Variants in RPL27A observed in about 807,000 individuals in gnomAD.
RPL27A encodes ribosomal protein L27a, also known as large ribosomal subunit protein uL15.
For synonymous variants in RPL27A, 69 were observed against 68.3 expected (o/e 1.01, Z -0.05); for missense variants, 118 against 189.4 (o/e 0.62, Z 2.21).
At chr11:8,685,456 A>G in intron 4 of RPL27A, 1 of 705,368 alleles carries the variant, frequency 1.4e-6, no homozygotes, top group Non-Finnish European at 2.6e-6. Context: ...CTAGAGTCAC[A>G]TCCTGACACA....
At chr11:8,685,250 G>T in intron 4 of RPL27A, 1 of 431,862 alleles carries the variant, frequency 2.3e-6, no homozygotes, top group Admixed American at 3.4e-5. Flanking sequence ...CCTTGCGGGG[G>T]TTCTGGTCCC....
At chr11:8,683,826 C>T (rs746957791) in intron 2 of RPL27A, 180 bp from the exon 3 acceptor site, 22 of 616,874 alleles carry the variant, frequency 3.6e-5, no homozygotes, top group Middle Eastern at 4.2e-4. Flanking sequence ...TACAGGTGTG[C>T]GCCACGACGC....
chr11:8,683,612 A>T (rs1194006010), intron 2 of RPL27A: 5 of 493,268 alleles, frequency 1.0e-5, no homozygotes. Context: ...CGGGACACAG[A>T]AGTCTGGGAA....
rs1274331655 is a variant in RPL27A at position 8,684,935 on chromosome 11, T to TA, written c.318+44dup. The TA allele has an allele frequency of 1.9e-6, 3 of 1,589,462 alleles. No homozygotes were observed. The African/African-American group carries it at 4.0e-5, about 21-fold the overall frequency. Reference sequence around the variant, plus strand: ...TTTTCTGTACTTCCATACCTTCCCTTACAAAACTCTGGCTTAATCTAATCC... The same window carrying TA: ...TTTTCTGTACTTCCATACCTTCCCTTAACAAAACTCTGGCTTAATCTAATCC... On this transcript the variant is annotated intron_variant, in intron 4 of 4. Coordinates refer to ENST00000314138, the MANE Select transcript of RPL27A (RefSeq NM_000990.5).
Position 8,682,797 on chromosome 11 carries a change from TC to T in RPL27A, c.-16del. ...GAGACTTGGCGAAGGCCTTCCTTTT[TC>T]GTCTGGGCTGCCAACATGGTAGGTG... On this transcript the variant is annotated 5_prime_UTR_variant, in exon 1 of 5. Coordinates refer to ENST00000314138, the MANE Select transcript of RPL27A (RefSeq NM_000990.5). The T allele has an allele frequency of 6.2e-7, 1 of 1,613,466 alleles. No individual in the cohort carries two copies. Among genetic ancestry groups the T allele is most frequent in the South Asian group, 1.1e-5 (1 of 91,062 alleles).
At chr11:8,684,632 C>T (rs1308083835) in intron 3 of RPL27A, 86 bp from the exon 4 acceptor site, 2 of 1,177,162 alleles carry the variant, frequency 1.7e-6, no homozygotes, top group African/African-American at 3.0e-5. Flanking sequence ...ATAATTTACA[C>T]TCTAATAGGG....
At chr11:8,683,419 C>T (rs1421693035) in intron 2 of RPL27A, 154 bp downstream of exon 2, 3 of 645,698 alleles carry the variant, frequency 4.6e-6, no homozygotes, top group Non-Finnish European at 2.7e-6. Flanking sequence ...TCTAGTATTC[C>T]AGTTCTAAGG....
At chr11:8,684,134 G>C in intron 3 of RPL27A, 53 bp downstream of exon 3, 3 of 1,465,148 alleles carry the variant, frequency 2.0e-6, no homozygotes, top group Non-Finnish European at 9.6e-7. Context: ...TAGGGGCAGA[G>C]AGAGGGCTGG....
chr11:8,684,196 G>T, intron 3 of RPL27A, 115 bp downstream of exon 3: 2 of 879,024 alleles, frequency 2.3e-6, no homozygotes, highest in Non-Finnish European at 3.8e-6. Flanking sequence ...TTTTTACCAA[G>T]TTAACACTTG....
chr11:8,685,152 A>G, intron 4 of RPL27A: 1 of 536,208 alleles, frequency 1.9e-6, no homozygotes, highest in South Asian at 2.1e-5. Flanking sequence ...TGTTCTCCAG[A>G]TAATAGAATC....
Position 8,683,362 on chromosome 11 carries a change from CT to C in RPL27A, c.67+102del, listed in dbSNP as rs1262165384. On this transcript the variant is annotated intron_variant, in intron 2 of 4. Coordinates refer to ENST00000314138, the MANE Select transcript of RPL27A (RefSeq NM_000990.5). ...GCCTATAAGTGGGTTAGAATAAGAC[CT>C]TTTTGTGGTCAAGTTGCACAGCTGT... 53 of 1,024,704 alleles carry C rather than the reference CT, an allele frequency of 5.2e-5. No individual in the cohort carries two copies. The East Asian group carries it at 5.7e-4, about 11-fold the overall frequency. 63.5% of individuals were successfully genotyped at this position (1,024,704 alleles called of 1,614,324 possible). A position where few individuals can be genotyped will look rare whatever the true frequency, so the allele number is the denominator to read the frequency against.
At chr11:8,683,391 AT>A in intron 2 of RPL27A, 126 bp downstream of exon 2, 2 of 762,230 alleles carry the variant, frequency 2.6e-6, no homozygotes, top group South Asian at 1.6e-5. Context: ...ACAGCTGTTG[AT>A]TTTTTTCTGA....
At chr11:8,685,538 T>G (rs1169819926) in intron 4 of RPL27A, 140 bp from the exon 5 acceptor site, 3 of 900,942 alleles carry the variant, frequency 3.3e-6, no homozygotes, top group Non-Finnish European at 5.5e-6. Context: ...GGGCAGTCGG[T>G]GCCCCCGTTA....
rs1210438831 is a variant in RPL27A, at chr11:8,688,476, A to T, written c.*2670A>T. 1 of 152,182 alleles carries T rather than the reference A, an allele frequency of 6.6e-6. No individual in the cohort carries two copies. The highest frequency in any genetic ancestry group is 1.5e-5 in the Non-Finnish European group (1 of 68,026). 9.4% of individuals were successfully genotyped at this position (152,182 alleles called of 1,614,324 possible). On this transcript the variant is annotated 3_prime_UTR_variant, in exon 5 of 5. Transcript: ENST00000314138. ...ATAGTTTTGAGCCCTAAGTCCGCCG[A>T]TTCCAGTGCTTTCTTGAACCCGCAT...
chr11:8,684,358 T>A (rs1310322037), intron 3 of RPL27A: 2 of 729,372 alleles, frequency 2.7e-6, no homozygotes, highest in Non-Finnish European at 5.1e-6. Context: ...GAGACATGCT[T>A]CACATTCACC....
chr11:8,685,770 T>A lies in RPL27A; in HGVS notation c.411T>A (p.Ile137=). ...TCAGCAGAAGAGCTGAGGAGAAGAT[T>A]AAGAGTGTTGGGGGGGCCTGTGTCC... ...KFFSRRAEEK[I]KSVGGACVLV... The change falls in exon 5 of 5, where the codon ATT becomes ATA. Residue 137 remains isoleucine (I), a synonymous_variant. Coordinates refer to ENST00000314138, the MANE Select transcript of RPL27A (RefSeq NM_000990.5). 1.2e-6 allele frequency: 2 copies of A among 1,613,896 alleles called. No individual in the cohort carries two copies. The highest frequency in any genetic ancestry group is 1.1e-5 in the South Asian group (1 of 91,058).
chr11:8,685,246 G>A (rs779118739), intron 4 of RPL27A: 8 of 426,966 alleles, frequency 1.9e-5, no homozygotes, highest in South Asian at 1.2e-4. Context: ...CTGTCCTTGC[G>A]GGGGTTCTGG....
At chr11:8,685,267 A>C (rs2039575630) in intron 4 of RPL27A, 1 of 441,526 alleles carries the variant, frequency 2.3e-6, no homozygotes, top group Non-Finnish European at 4.3e-6. Context: ...TCCCTGTGTC[A>C]GTCTTAACTC....
chr11:8,683,680 G>A (rs767915719), intron 2 of RPL27A: 1 of 483,340 alleles, frequency 2.1e-6, no homozygotes, highest in Admixed American at 3.4e-5. Context: ...TGTGGTGCAT[G>A]TAGCTTTTTT....
Sources: gnomAD v4.1 joint callset for allele counts on GRCh38, gnomAD v4.1.1 for gene constraint, MANE v1.5 for transcripts, NCBI Gene and HGNC (gene_info 2026-07-23, HGNC 2026-07-21) for gene names.